The following ST7 variants were observed in gnomAD, a reference collection of about 807,000 sequenced individuals.
ST7 encodes the protein suppressor of tumorigenicity 7 protein.
ST7 carries 28 observed loss-of-function variants against 78.7 expected under a neutral mutation model. That is an observed-to-expected ratio of 0.36 (90% CI 0.26 to 0.49). The LOEUF is 0.49. ST7 is among the 20% of genes least tolerant of loss of function. The probability of loss-of-function intolerance (pLI) is 0.99; values close to 1 mark genes in which losing one functional copy is unlikely to be tolerated. For missense variants in ST7, 418 were observed against 696.0 expected (o/e 0.60, Z 4.49); for synonymous variants, 247 against 249.6 (o/e 0.99, Z 0.10).
At chr7:117,208,905 GTGTGTGT>G (rs1563170018) in intron 12 of ST7, among the ~76,000 whole-genome samples, 196 of 15,402 alleles carry the variant, frequency 0.013, no homozygotes, top group East Asian at 0.074. Context: ...ATGTGTGGGT[GTGTGTGT>G]GTGTGTGTGT....
chr7:117,156,052 G>C (rs1806664554), intron 9 of ST7, among the ~76,000 whole-genome samples: 1 of 152,160 alleles, frequency 6.6e-6, no homozygotes, highest in South Asian at 2.1e-4. Flanking sequence ...ACATCTGCCT[G>C]TGCTGTACCA....
intron 1 of ST7, among the ~76,000 whole-genome samples, chr7:116,994,043 A>G (rs1794541205): frequency 6.6e-6 from 1 of 152,234 alleles, no homozygotes; most frequent in South Asian, 2.1e-4. Flanking sequence ...TTTTAAAAGT[A>G]TACAGTTCCG....
chr7:117,093,074 T>C (rs998770585), intron 1 of ST7, among the ~76,000 whole-genome samples: 1 of 152,114 alleles, frequency 6.6e-6, no homozygotes, highest in Non-Finnish European at 1.5e-5. Context: ...TAATCGGAGA[T>C]TTAGGAGCAC....
chr7:117,008,480 A>C (rs1795246114), intron 1 of ST7, among the ~76,000 whole-genome samples: 1 of 152,234 alleles, frequency 6.6e-6, no homozygotes, highest in African/African-American at 2.4e-5. Flanking sequence ...TGGAAATCTT[A>C]GCCCATGATT....
chr7:116,972,403 C>T lies in ST7; in HGVS notation c.151+18712C>T, dbSNP rs529646240. ...GTACTTTTCTTCAGCAGGACTCAGA[C>T]ACTTCAGATTCTGGTCCATCAGTCT... is the stretch of plus-strand genomic sequence containing the variant. On this transcript the variant is annotated intron_variant, in intron 1 of 15. Transcript: ENST00000323984. 7.0e-5 allele frequency: 48 copies of T among 688,878 alleles called. No individual in the cohort carries two copies. The East Asian group carries it at 8.8e-4, about 13-fold the overall frequency. 42.7% of individuals were successfully genotyped at this position (688,878 alleles called of 1,614,324 possible).
At chr7:116,982,882 C>T (rs1032552761) in intron 1 of ST7, among the ~76,000 whole-genome samples, 6 of 152,060 alleles carry the variant, frequency 3.9e-5, no homozygotes, top group Non-Finnish European at 7.4e-5. Flanking sequence ...TAGATCTATG[C>T]ACTTTTACAT....
chr7:117,031,827 T>TATATG (rs1268200918), intron 1 of ST7, among the ~76,000 whole-genome samples: 2 of 10,540 alleles, frequency 1.9e-4, no homozygotes, highest in African/African-American at 6.9e-4. Flanking sequence ...TATATCTATA[T>TATATG]CTATATCTAT....
intron 1 of ST7, among the ~76,000 whole-genome samples, chr7:117,097,908 A>ATATATATAT: frequency 3.3e-5 from 1 of 30,012 alleles, no homozygotes; most frequent in African/African-American, 1.6e-4. Context: ...ATATATATAT[A>ATATATATAT]TTTTTTTTTT....
intron 1 of ST7, chr7:116,956,774 C>T (rs747007666): frequency 5.1e-6 from 2 of 392,872 alleles, no homozygotes; most frequent in Non-Finnish European, 1.0e-5. Flanking sequence ...TCCTAATGTA[C>T]TATAACAGGT....
At chr7:117,045,635 G>A (rs1055420267) in intron 1 of ST7, among the ~76,000 whole-genome samples, 9 of 152,146 alleles carry the variant, frequency 5.9e-5, no homozygotes, top group Non-Finnish European at 1.2e-4. Context: ...ACCTATTAAT[G>A]CATATTATCT....
At chr7:117,004,677 T>C (rs1445566836) in intron 1 of ST7, among the ~76,000 whole-genome samples, 1 of 151,914 alleles carries the variant, frequency 6.6e-6, no homozygotes, top group African/African-American at 2.4e-5. Flanking sequence ...AATAAATAAA[T>C]ACATACATAC....
At chr7:117,166,183 A>T (rs920369241) in intron 9 of ST7, among the ~76,000 whole-genome samples, 7 of 152,174 alleles carry the variant, frequency 4.6e-5, no homozygotes, top group Non-Finnish European at 2.9e-5. Flanking sequence ...ATATTAGTAT[A>T]ATTTAGCATA....
chr7:117,130,469 T>C (rs1399088753), intron 4 of ST7, 22 bp from the exon 5 acceptor site: 2 of 1,559,982 alleles, frequency 1.3e-6, no homozygotes, highest in South Asian at 2.3e-5. Context: ...AAGTGTCTAA[T>C]CATCTTATTT....
chr7:117,115,365 T>TC (rs1037956920), intron 2 of ST7, among the ~76,000 whole-genome samples: 1 of 151,064 alleles, frequency 6.6e-6, no homozygotes, highest in African/African-American at 2.4e-5. Context: ...TTTTTTTTTT[T>TC]TTTTTTTGAG....
intron 1 of ST7, among the ~76,000 whole-genome samples, chr7:117,094,802 T>A (rs576232966): frequency 3.9e-5 from 6 of 152,304 alleles, no homozygotes; most frequent in African/African-American, 1.4e-4. Context: ...TCCCTTCCAT[T>A]GTTTTTTTGT....
chr7:117,078,779 G>A (rs940404216), intron 1 of ST7, among the ~76,000 whole-genome samples: 8 of 152,178 alleles, frequency 5.3e-5, no homozygotes, highest in Admixed American at 4.6e-4. Flanking sequence ...CAGTTAATTG[G>A]TTGGGGTGAA....
intron 1 of ST7, chr7:117,020,516 C>T: frequency 1.4e-6 from 2 of 1,481,170 alleles, no homozygotes; most frequent in Non-Finnish European, 1.8e-6. Context: ...CTCATCTCTT[C>T]ACTCTCACAT....
Position 117,079,196 on chromosome 7 carries a change from C to T in ST7, c.152-20566C>T, listed in dbSNP as rs74440246. Among the ~76,000 whole-genome samples, 336 of 152,206 alleles carry T rather than the reference C, an allele frequency of 2.2e-3. 3 individuals are homozygous for T. Among genetic ancestry groups the T allele is most frequent in the Middle Eastern group, 0.014 (4 of 294 alleles). On this transcript the variant is annotated intron_variant, in intron 1 of 15. Coordinates refer to ENST00000323984, the MANE Select transcript of ST7 (RefSeq NM_001369598.1). Reference sequence around the variant, plus strand: ...AATAGAGTAAATGCTATTTATGTAGCATTTATATTGTATTAGGTATTATGA... The same window carrying T: ...AATAGAGTAAATGCTATTTATGTAGTATTTATATTGTATTAGGTATTATGA...
chr7:117,158,541 A>G (rs1314287239), intron 9 of ST7, among the ~76,000 whole-genome samples: 1 of 152,230 alleles, frequency 6.6e-6, no homozygotes, highest in Non-Finnish European at 1.5e-5. Context: ...AGTTCAGTGA[A>G]GAACTTGTTA....
Sources: gnomAD v4.1 joint callset for allele counts (sites outside exome capture counted in the v4.1 genomes callset) on GRCh38, gnomAD v4.1.1 for gene constraint, MANE v1.5 for transcripts, NCBI Gene and HGNC (gene_info 2026-07-23, HGNC 2026-07-21) for gene names.